Variants in SCAMP1 observed in about 807,000 individuals in gnomAD.
The protein encoded by SCAMP1 is secretory carrier-associated membrane protein 1.
SCAMP1 carries 15 observed loss-of-function variants against 41.8 expected under a neutral mutation model. The ratio of observed to expected loss-of-function variants is 0.36; its 90% confidence interval spans 0.24 to 0.55. The LOEUF (loss-of-function observed/expected upper bound fraction) is 0.55, where lower values mean the gene tolerates loss of function less well. SCAMP1 is among the 20% of genes least tolerant of loss of function. The probability of loss-of-function intolerance (pLI) is 0.86; values close to 1 mark genes in which losing one functional copy is unlikely to be tolerated. For missense variants in SCAMP1, 341 were observed against 412.6 expected (o/e 0.83, Z 1.50); for synonymous variants, 135 against 136.8 (o/e 0.99, Z 0.09).
At chr5:78,469,890 T>TAAAAAAAAAAAAAAAAAAAAA (rs141989832) in intron 8 of SCAMP1, among the ~76,000 whole-genome samples, 5 of 14,986 alleles carry the variant, frequency 3.3e-4, no homozygotes, top group South Asian at 5.5e-3. Flanking sequence ...TACAAGACAT[T>TAAAAAAAAAAAAAAAAAAAAA]AAAAAAAAAA....
intron 8 of SCAMP1, among the ~76,000 whole-genome samples, chr5:78,463,294 T>A (rs1753663276): frequency 2.0e-5 from 3 of 152,220 alleles, no homozygotes; most frequent in South Asian, 4.1e-4. Flanking sequence ...CTCTTGACTC[T>A]CTGGCTATTC....
intron 6 of SCAMP1, among the ~76,000 whole-genome samples, chr5:78,423,348 TA>T (rs1232616306): frequency 6.6e-6 from 1 of 152,204 alleles, no homozygotes. Flanking sequence ...GGAACATAGT[TA>T]CTCCTTGCAT....
At chr5:78,448,514 A>C (rs543995051) in intron 6 of SCAMP1, among the ~76,000 whole-genome samples, 1 of 152,254 alleles carries the variant, frequency 6.6e-6, no homozygotes, top group Non-Finnish European at 1.5e-5. Flanking sequence ...TAGTTCATGA[A>C]AGAAGATCTA....
Position 78,388,872 on chromosome 5 carries a change from A to C in SCAMP1, c.93A>C (p.Pro31=), listed in dbSNP as rs1751414571. 1 of 1,564,752 alleles carries C rather than the reference A, an allele frequency of 6.4e-7. No homozygotes were observed. The highest frequency in any genetic ancestry group is 1.7e-5 in the Admixed American group (1 of 58,366). ...TTACACAAGTGACAAGAAATGTTCC[A>C]CCAGGACTTGATGAATATAATCCAT... is the stretch of plus-strand genomic sequence containing the variant. The part of the protein sequence containing the change: ...PSVTQVTRNV[P]PGLDEYNPFS... The change falls in exon 2 of 9, where the codon CCA becomes CCC. Residue 31 remains proline (P), a synonymous_variant. Transcript: ENST00000621999.
At chr5:78,440,792 G>T (rs968010497) in intron 6 of SCAMP1, among the ~76,000 whole-genome samples, 4 of 152,202 alleles carry the variant, frequency 2.6e-5, no homozygotes, top group Non-Finnish European at 5.9e-5. Context: ...GTTCAGCTAT[G>T]CCCTGCCCCC....
chr5:78,362,085 CTT>C (rs774711424), intron 1 of SCAMP1, among the ~76,000 whole-genome samples: 3 of 146,816 alleles, frequency 2.0e-5, no homozygotes, highest in East Asian at 2.0e-4. Flanking sequence ...CATTTTAAGA[CTT>C]TTTTTTTTTT....
At chr5:78,398,828 A>G (rs1342647600) in intron 2 of SCAMP1, among the ~76,000 whole-genome samples, 1 of 152,150 alleles carries the variant, frequency 6.6e-6, no homozygotes, top group East Asian at 1.9e-4. Context: ...TACAGGCGTG[A>G]GCCACCGCGC....
chr5:78,434,598 T>G (rs1023164481), intron 6 of SCAMP1, among the ~76,000 whole-genome samples: 3 of 152,086 alleles, frequency 2.0e-5, no homozygotes, highest in Non-Finnish European at 4.4e-5. Context: ...GCACTTTAGT[T>G]TTTCTTTTTA....
intron 1 of SCAMP1, among the ~76,000 whole-genome samples, chr5:78,365,268 T>A (rs948334412): frequency 6.6e-6 from 1 of 150,702 alleles, no homozygotes; most frequent in Non-Finnish European, 1.5e-5. Context: ...AGGTCAGGAG[T>A]TCGAGACCAG....
chr5:78,445,419 G>T (rs1302024192), intron 6 of SCAMP1, among the ~76,000 whole-genome samples: 2 of 152,174 alleles, frequency 1.3e-5, no homozygotes, highest in Non-Finnish European at 1.5e-5. Flanking sequence ...AAATATCCAT[G>T]ATACCGTAAA....
At chr5:78,465,822 A>C (rs1387867716) in intron 8 of SCAMP1, among the ~76,000 whole-genome samples, 1 of 151,910 alleles carries the variant, frequency 6.6e-6, no homozygotes, top group Admixed American at 6.6e-5. Context: ...AGAAGTTGAA[A>C]CTCTGGTCCA....
chr5:78,477,773 T>G lies in SCAMP1; in HGVS notation c.*2105T>G, dbSNP rs1365788861. ...AATATGAGTTTGAGAGAGAAAATTG[T>G]TTTTTAAAAATATATGTGCATTGAA... On this transcript the variant is annotated 3_prime_UTR_variant, in exon 9 of 9. Transcript: ENST00000621999. 1 of 152,140 alleles carries G rather than the reference T, an allele frequency of 6.6e-6. No individual in the cohort carries two copies. The highest frequency in any genetic ancestry group is 1.5e-5 in the Non-Finnish European group (1 of 67,978). The allele number at this position is 152,140 out of a possible 1,614,324, so 9.4% of individuals were successfully genotyped here. A position where few individuals can be genotyped will look rare whatever the true frequency, so the allele number is the denominator to read the frequency against.
At chr5:78,469,802 G>C (rs569044769) in intron 8 of SCAMP1, among the ~76,000 whole-genome samples, 7 of 149,014 alleles carry the variant, frequency 4.7e-5, no homozygotes, top group Admixed American at 3.4e-4. Flanking sequence ...GGTTTGGGGG[G>C]CCGAGGCAAG....
At chr5:78,394,338 TTA>T (rs991836299) in intron 2 of SCAMP1, among the ~76,000 whole-genome samples, 1 of 151,844 alleles carries the variant, frequency 6.6e-6, no homozygotes, top group African/African-American at 2.4e-5. Context: ...AATCTTTTTT[TTA>T]TATATATATA....
chr5:78,397,983 T>TC (rs755313264), intron 2 of SCAMP1, among the ~76,000 whole-genome samples: 11 of 152,180 alleles, frequency 7.2e-5, no homozygotes, highest in Non-Finnish European at 1.5e-4. Context: ...ATTGGAACCT[T>TC]CACACACTGC....
Position 78,367,206 on chromosome 5 carries a change from T to A in SCAMP1, c.57+6478T>A, listed in dbSNP as rs552271595. Among the ~76,000 whole-genome samples the A allele has an allele frequency of 3.5e-3, 537 of 152,336 alleles. 7 individuals are homozygous for A. Among genetic ancestry groups the A allele is most frequent in the African/African-American group, 0.012 (514 of 41,576 alleles). ...TATATTTCATCAACTTAAGATGCCA[T>A]CCTTTGTAAGATGCACCATTATCTT... On this transcript the variant is annotated intron_variant, in intron 1 of 8. Coordinates refer to ENST00000621999, the MANE Select transcript of SCAMP1 (RefSeq NM_004866.6).
intron 8 of SCAMP1, among the ~76,000 whole-genome samples, chr5:78,460,745 CTT>C (rs1753567320): frequency 3.5e-4 from 1 of 2,890 alleles, no homozygotes; most frequent in Non-Finnish European, 1.1e-3. Context: ...TTCTTTTCTC[CTT>C]CCTTCCTTCC....
In SCAMP1 at chr5:78,476,204, C is replaced by A. The variant is rs1187380882; in HGVS notation, c.*536C>A. ...TAGTAGATAATGTAAAATTTGTCAT[C>A]TTTTTCTTTTCTTTTTTTTAGAATA... On this transcript the variant is annotated 3_prime_UTR_variant, in exon 9 of 9. Transcript: ENST00000621999. 2.0e-5 allele frequency: 3 copies of A among 152,298 alleles called. No homozygotes were observed. The highest frequency in any genetic ancestry group is 7.2e-5 in the African/African-American group (3 of 41,402). 9.4% of individuals were successfully genotyped at this position (152,298 alleles called of 1,614,324 possible). A position where few individuals can be genotyped will look rare whatever the true frequency, so the allele number is the denominator to read the frequency against.
At chr5:78,391,462 C>G (rs1751499751) in intron 2 of SCAMP1, among the ~76,000 whole-genome samples, 1 of 151,880 alleles carries the variant, frequency 6.6e-6, no homozygotes, top group South Asian at 2.1e-4. Flanking sequence ...GGGGGCTGAC[C>G]CCCACCTCCC....
Sources: gnomAD v4.1 joint callset for allele counts (sites outside exome capture counted in the v4.1 genomes callset) on GRCh38, gnomAD v4.1.1 for gene constraint, MANE v1.5 for transcripts, NCBI Gene and HGNC (gene_info 2026-07-23, HGNC 2026-07-21) for gene names.